Variants in ELMO1 observed in about 807,000 individuals in gnomAD.
The protein encoded by ELMO1 is engulfment and cell motility 1.
Under a neutral mutation model 98.9 loss-of-function variants are expected in ELMO1, and 26 were observed. The observed-to-expected ratio is 0.26, with a 90% CI of 0.19 to 0.36. The LOEUF (loss-of-function observed/expected upper bound fraction) is 0.36. Ranked by LOEUF, ELMO1 falls within the 10% of genes least tolerant of loss-of-function variation. The pLI is 1.00. For synonymous variants in ELMO1, 346 were observed against 346.0 expected, an observed-to-expected ratio of 1.00 and a Z score of 0.00; for missense variants, 627 against 935.2, an observed-to-expected ratio of 0.67 and a Z score of 4.30.
rs556298276 is a variant in ELMO1, at chr7:37,213,231, T to A, written c.954+104A>T. ...CTGAGATGATAATAAAATGACATCA[T>A]ATCAAACTCTGAAACTCCCTAGTTT... On this transcript the variant is annotated intron_variant, in intron 12 of 21. Coordinates refer to ENST00000310758, the MANE Select transcript of ELMO1 (RefSeq NM_014800.11). 3.0e-5 allele frequency: 43 copies of A among 1,426,732 alleles called. No homozygotes were observed. The South Asian group carries it at 5.9e-4, about 20-fold the overall frequency. 88.4% of individuals were successfully genotyped at this position (1,426,732 alleles called of 1,614,324 possible). A position where few individuals can be genotyped will look rare whatever the true frequency, so the allele number is the denominator to read the frequency against.
At chr7:37,035,897 A>G (rs6946562) in intron 15 of ELMO1, among the ~76,000 whole-genome samples, 7,385 of 152,332 alleles carry the variant, frequency 0.048, 277 homozygotes, top group East Asian at 0.15. Flanking sequence ...CTATGAAACC[A>G]TTAGTCATAC....
At chr7:36,889,840 A>T (rs1383283954) in intron 17 of ELMO1, among the ~76,000 whole-genome samples, 1 of 152,216 alleles carries the variant, frequency 6.6e-6, no homozygotes, top group Non-Finnish European at 1.5e-5. Flanking sequence ...TAAGCCTCAA[A>T]GGACTACAAA....
At chr7:36,920,121 T>C (rs890472584) in intron 16 of ELMO1, among the ~76,000 whole-genome samples, 16 of 152,226 alleles carry the variant, frequency 1.1e-4, no homozygotes, top group African/African-American at 3.9e-4. Flanking sequence ...AGCTCTTGCC[T>C]CTTCTACTCT....
At chr7:37,150,585 T>C (rs1398502583) in intron 13 of ELMO1, among the ~76,000 whole-genome samples, 2 of 152,196 alleles carry the variant, frequency 1.3e-5, no homozygotes, top group African/African-American at 4.8e-5. Flanking sequence ...GTATACAATC[T>C]CTATAGTAGT....
chr7:37,131,206 G>A (rs1238029677), intron 14 of ELMO1, among the ~76,000 whole-genome samples: 1 of 151,700 alleles, frequency 6.6e-6, no homozygotes, highest in Non-Finnish European at 1.5e-5. Context: ...AGTCAAATGG[G>A]ACACAGAAAA....
chr7:37,366,890 C>T (rs573561461), intron 1 of ELMO1, among the ~76,000 whole-genome samples: 1 of 152,284 alleles, frequency 6.6e-6, no homozygotes, highest in Admixed American at 6.5e-5. Context: ...GTTCTTATTC[C>T]CAGAAATCAG....
intron 7 of ELMO1, 37 bp downstream of exon 7, chr7:37,244,319 G>C: frequency 1.2e-6 from 2 of 1,607,856 alleles, no homozygotes; most frequent in Non-Finnish European, 8.5e-7. Context: ...AGTAGGAAGG[G>C]TTAAATCATC....
At chr7:37,170,590 C>T (rs1258933338) in intron 13 of ELMO1, among the ~76,000 whole-genome samples, 1 of 150,894 alleles carries the variant, frequency 6.6e-6, no homozygotes, top group African/African-American at 2.4e-5. Flanking sequence ...TTTTCTTTCT[C>T]TCTCTCTTTC....
intron 1 of ELMO1, among the ~76,000 whole-genome samples, chr7:37,423,228 A>G (rs1804555882): frequency 6.6e-6 from 1 of 152,226 alleles, no homozygotes; most frequent in Non-Finnish European, 1.5e-5. Flanking sequence ...TAAACTACAG[A>G]CATGATTAAG....
intron 1 of ELMO1, among the ~76,000 whole-genome samples, chr7:37,370,800 C>G (rs1802086427): frequency 6.6e-6 from 1 of 152,176 alleles, no homozygotes; most frequent in Non-Finnish European, 1.5e-5. Context: ...CAGGAACTTT[C>G]ATGTACTCCT....
chr7:37,007,193 A>T (rs562959365), intron 16 of ELMO1, among the ~76,000 whole-genome samples: 12 of 152,350 alleles, frequency 7.9e-5, no homozygotes, highest in Non-Finnish European at 1.3e-4. Flanking sequence ...TTGAAAAAAA[A>T]TGCTTGTTAA....
chr7:37,338,054 A>G (rs1489833709), intron 2 of ELMO1, among the ~76,000 whole-genome samples: 1 of 152,202 alleles, frequency 6.6e-6, no homozygotes, highest in Non-Finnish European at 1.5e-5. Flanking sequence ...AAATGTTCAC[A>G]ATGGAAGTGC....
chr7:36,897,349 T>TGTGTGTGTGA (rs1370708472), intron 16 of ELMO1, among the ~76,000 whole-genome samples: 50 of 151,740 alleles, frequency 3.3e-4, no homozygotes, highest in African/African-American at 1.2e-3. Context: ...TGTGTGTGTG[T>TGTGTGTGTGA]GAAAGAGTGT....
At chr7:37,135,345 G>C (rs548547191) in intron 13 of ELMO1, among the ~76,000 whole-genome samples, 2 of 152,140 alleles carry the variant, frequency 1.3e-5, no homozygotes, top group Non-Finnish European at 2.9e-5. Flanking sequence ...AAGAACAACC[G>C]CAGGAACATA....
intron 10 of ELMO1, among the ~76,000 whole-genome samples, chr7:37,216,992 A>G (rs1426126481): frequency 2.6e-5 from 4 of 152,248 alleles, no homozygotes; most frequent in Non-Finnish European, 4.4e-5. Context: ...CAGGCACTCC[A>G]AACAAAGCAA....
intron 13 of ELMO1, among the ~76,000 whole-genome samples, chr7:37,196,251 G>A (rs1372410540): frequency 6.6e-6 from 1 of 152,238 alleles, no homozygotes; most frequent in Admixed American, 6.5e-5. Flanking sequence ...AGACAGCACA[G>A]CCTCGAGGCT....
At chr7:37,039,375 A>T (rs796620331) in intron 15 of ELMO1, among the ~76,000 whole-genome samples, 15 of 152,286 alleles carry the variant, frequency 9.8e-5, no homozygotes, top group African/African-American at 3.4e-4. Flanking sequence ...GGAGGGGGAG[A>T]TACAAGGGCA....
At chr7:36,861,842 C>A in intron 20 of ELMO1, 106 bp from the exon 21 acceptor site, 1 of 1,044,960 alleles carries the variant, frequency 9.6e-7, no homozygotes, top group South Asian at 1.3e-5. Context: ...GCTTGTCTAG[C>A]CAAGCGGAGC....
chr7:36,897,951 G>T (rs1806171713), intron 16 of ELMO1, among the ~76,000 whole-genome samples: 1 of 152,222 alleles, frequency 6.6e-6, no homozygotes, highest in African/African-American at 2.4e-5. Flanking sequence ...ATAAAGCACA[G>T]GACAGAGGTT....
Sources: gnomAD v4.1 joint callset for allele counts (sites outside exome capture counted in the v4.1 genomes callset) on GRCh38, gnomAD v4.1.1 for gene constraint, MANE v1.5 for transcripts, NCBI Gene and HGNC (gene_info 2026-07-23, HGNC 2026-07-21) for gene names.